Variants in GPC6 observed in about 807,000 individuals in gnomAD.
GPC6 encodes the protein glypican 6.
In GPC6, 14 loss-of-function variants were observed where a neutral mutation model predicts 55.2. The observed-to-expected ratio is 0.25, with a 90% confidence interval of 0.17 to 0.40. The LOEUF (loss-of-function observed/expected upper bound fraction) is 0.40. GPC6 is among the 10% of genes least tolerant of loss of function. The pLI is 1.00. For synonymous variants in GPC6, 278 were observed against 259.6 expected (o/e 1.07, Z -0.68); for missense variants, 641 against 708.5 (o/e 0.90, Z 1.08).
intron 3 of GPC6, among the ~76,000 whole-genome samples, chr13:93,950,284 C>T (rs542998989): frequency 6.6e-6 from 1 of 152,136 alleles, no homozygotes; most frequent in South Asian, 2.1e-4. Flanking sequence ...CGTTAGAAGC[C>T]TAATTGCCAA....
intron 3 of GPC6, among the ~76,000 whole-genome samples, chr13:93,915,842 G>T (rs1877259965): frequency 6.6e-6 from 1 of 152,106 alleles, no homozygotes; most frequent in Non-Finnish European, 1.5e-5. Flanking sequence ...CTCCTTTTCT[G>T]AATTTGAATG....
chr13:94,293,373 T>C (rs1875111441), intron 5 of GPC6, among the ~76,000 whole-genome samples: 1 of 152,118 alleles, frequency 6.6e-6, no homozygotes, highest in Non-Finnish European at 1.5e-5. Flanking sequence ...TTTCACAAGA[T>C]CCAATGGTTA....
At chr13:94,247,710 A>G (rs1254036982) in intron 4 of GPC6, among the ~76,000 whole-genome samples, 5 of 152,146 alleles carry the variant, frequency 3.3e-5, no homozygotes. Context: ...CTACTTAATC[A>G]TGATGTATAA....
intron 2 of GPC6, among the ~76,000 whole-genome samples, chr13:93,752,819 C>T (rs2138865010): frequency 6.6e-6 from 1 of 152,246 alleles, no homozygotes; most frequent in South Asian, 2.1e-4. Flanking sequence ...AGTGCTGAGG[C>T]ATGACTGAGC....
At chr13:93,454,658 C>T (rs536105067) in intron 1 of GPC6, among the ~76,000 whole-genome samples, 151 of 152,138 alleles carry the variant, frequency 9.9e-4, no homozygotes, top group African/African-American at 3.6e-3. Flanking sequence ...GGTGTATTTA[C>T]AATCCCTGAG....
intron 3 of GPC6, among the ~76,000 whole-genome samples, chr13:93,994,660 T>TTCTGTAAGGC (rs1156709854): frequency 6.6e-6 from 1 of 152,180 alleles, no homozygotes; most frequent in Non-Finnish European, 1.5e-5. Flanking sequence ...AAGATAGTGG[T>TTCTGTAAGGC]TCTGTAAGGC....
intron 3 of GPC6, among the ~76,000 whole-genome samples, chr13:93,907,581 C>G (rs1027819734): frequency 1.3e-5 from 2 of 152,040 alleles, no homozygotes; most frequent in African/African-American, 4.8e-5. Flanking sequence ...TACTTGGATA[C>G]TACTAAAATT....
chr13:94,103,326 G>T (rs1885934487), intron 4 of GPC6, among the ~76,000 whole-genome samples: 1 of 152,098 alleles, frequency 6.6e-6, no homozygotes, highest in Non-Finnish European at 1.5e-5. Context: ...TTTCTATTGT[G>T]AATAGCCCCG....
chr13:94,327,519 C>T (rs1247961113), intron 6 of GPC6, among the ~76,000 whole-genome samples: 1 of 152,148 alleles, frequency 6.6e-6, no homozygotes, highest in African/African-American at 2.4e-5. Context: ...TCGTTTACTG[C>T]AGTCAGAGCA....
chr13:93,832,342 A>G (rs1887553234), intron 3 of GPC6, among the ~76,000 whole-genome samples: 1 of 151,486 alleles, frequency 6.6e-6, no homozygotes, highest in Non-Finnish European at 1.5e-5. Context: ...TTGTTGTAAA[A>G]TAAGTGTAAA....
chr13:93,848,683 G>C (rs1404551311), intron 3 of GPC6, among the ~76,000 whole-genome samples: 1 of 152,126 alleles, frequency 6.6e-6, no homozygotes, highest in East Asian at 1.9e-4. Context: ...TGACAAGTCT[G>C]AAGTCCGCAG....
At chr13:93,575,062 G>A (rs1056607227) in intron 2 of GPC6, among the ~76,000 whole-genome samples, 1 of 152,180 alleles carries the variant, frequency 6.6e-6, no homozygotes, top group Non-Finnish European at 1.5e-5. Flanking sequence ...GGGAGGCCGA[G>A]GCGGGTGGAT....
At chr13:94,226,296 G>A (rs1747686062) in intron 4 of GPC6, among the ~76,000 whole-genome samples, 1 of 152,168 alleles carries the variant, frequency 6.6e-6, no homozygotes, top group African/African-American at 2.4e-5. Context: ...GCAGGGATGG[G>A]GAGAGATTGG....
chr13:93,867,010 A>T (rs895820273), intron 3 of GPC6, among the ~76,000 whole-genome samples: 1 of 151,774 alleles, frequency 6.6e-6, no homozygotes, highest in African/African-American at 2.4e-5. Context: ...ACCAAAGTTT[A>T]GCCTAGCAGA....
intron 3 of GPC6, among the ~76,000 whole-genome samples, chr13:93,984,601 A>T (rs975932750): frequency 2.0e-5 from 3 of 152,210 alleles, no homozygotes; most frequent in Non-Finnish European, 4.4e-5. Context: ...CAAAAGTATG[A>T]TCTATGTAAG....
In GPC6 at chr13:93,600,680, T is replaced by A. The variant is rs558304124; in HGVS notation, c.319+55259T>A. Among the ~76,000 whole-genome samples, 8 of 152,162 alleles carry A rather than the reference T, an allele frequency of 5.3e-5. No individual in the cohort carries two copies. In the East Asian group the frequency reaches 1.5e-3, roughly 29 times the overall value. Reference sequence around the variant, plus strand: ...TTTATTCATGATTTAAAAGTATGATTTCGGCTCATGCCTGTAATCCCAGCA... The same window carrying A: ...TTTATTCATGATTTAAAAGTATGATATCGGCTCATGCCTGTAATCCCAGCA... On this transcript the variant is annotated intron_variant, in intron 2 of 8. Transcript: ENST00000377047.
chr13:94,324,630 C>G (rs974398903), intron 6 of GPC6, among the ~76,000 whole-genome samples: 1 of 151,760 alleles, frequency 6.6e-6, no homozygotes, highest in African/African-American at 2.4e-5. Flanking sequence ...AAAGTTAAGA[C>G]TTACGGCACA....
At chr13:93,743,212 T>G (rs1485427435) in intron 2 of GPC6, among the ~76,000 whole-genome samples, 7 of 152,122 alleles carry the variant, frequency 4.6e-5, no homozygotes, top group Non-Finnish European at 8.8e-5. Context: ...TGTGAGACAC[T>G]GAAAGGTCAA....
chr13:93,565,483 G>A (rs1362818302), intron 2 of GPC6, among the ~76,000 whole-genome samples: 2 of 152,140 alleles, frequency 1.3e-5, no homozygotes, highest in African/African-American at 4.8e-5. Flanking sequence ...CAATAATTGA[G>A]AGTATCTTGA....
Sources: gnomAD v4.1 joint callset for allele counts (sites outside exome capture counted in the v4.1 genomes callset) on GRCh38, gnomAD v4.1.1 for gene constraint, MANE v1.5 for transcripts, NCBI Gene and HGNC (gene_info 2026-07-23, HGNC 2026-07-21) for gene names.